The following ATG101 variants were observed in gnomAD, a reference collection of about 807,000 sequenced individuals.
The protein encoded by ATG101 is autophagy-related protein 101.
A neutral mutation model predicts 16.7 loss-of-function variants in ATG101; 6 were observed. The observed-to-expected ratio is 0.36, with a 90% CI of 0.20 to 0.71. The LOEUF is 0.71. Among genes scored for constraint, ATG101 ranks in the 30% least tolerant of loss-of-function variants. The pLI is 0.57. For missense variants in ATG101, 200 were observed against 292.5 expected (o/e 0.68, Z 2.31); for synonymous variants, 108 against 118.1 (o/e 0.91, Z 0.56).
intron 2 of ATG101, 105 bp downstream of exon 2, chr12:52,070,588 G>C (rs1265970160): frequency 6.6e-6 from 1 of 152,342 alleles, no homozygotes; most frequent in African/African-American, 2.4e-5. Flanking sequence ...ACCCTACTCT[G>C]GTGGGCCCTG....
intron 3 of ATG101, among the ~76,000 whole-genome samples, chr12:52,074,817 G>A (rs1939707490): frequency 1.3e-5 from 2 of 152,150 alleles, no homozygotes; most frequent in Admixed American, 6.5e-5. Flanking sequence ...AAATTAGTGG[G>A]GTGTGGTGGC....
chr12:52,076,817 T>A lies in ATG101; in HGVS notation c.284T>A (p.Leu95Gln), dbSNP rs1408479438. 1.2e-6 allele frequency: 2 copies of A among 1,614,066 alleles called. No homozygotes were observed. The highest frequency in any genetic ancestry group is 2.7e-5 in the African/African-American group (2 of 74,922). ...DALRNSGGDG[L>Q]GQMSLEFYQK... ...CTGCGCAACTCTGGTGGCGATGGGC[T>A]GGGGCAGATGTCCTTGGAGTTCTAC... Residue 95 changes from leucine (L) to glutamine (Q), a missense_variant, in exon 4 of 4, where the codon CTG becomes CAG. Coordinates refer to ENST00000336854, the MANE Select transcript of ATG101 (RefSeq NM_021934.5).
At chr12:52,076,427 C>G (rs1041599655) in intron 3 of ATG101, among the ~76,000 whole-genome samples, 13 of 152,308 alleles carry the variant, frequency 8.5e-5, no homozygotes, top group Admixed American at 8.5e-4. Flanking sequence ...CTCATCGTGC[C>G]TTGGTGAAAG....
upstream of ATG101, among the ~76,000 whole-genome samples, chr12:52,066,451 C>T (rs1240536770): frequency 6.6e-6 from 1 of 152,136 alleles, no homozygotes; most frequent in Non-Finnish European, 1.5e-5. Context: ...CACTGTCTGC[C>T]AATTCCAATG....
chr12:52,075,286 T>C (rs991719615), intron 3 of ATG101, among the ~76,000 whole-genome samples: 1 of 152,184 alleles, frequency 6.6e-6, no homozygotes, highest in Non-Finnish European at 1.5e-5. Flanking sequence ...CCCTGTGTCC[T>C]CCAGGTGTCC....
rs1565661778 is a variant in ATG101 at position 52,073,857 on chromosome 12, T to G, written c.207T>G (p.Ser69=). The change falls in exon 3 of 4, where the codon TCT becomes TCG. Residue 69 remains serine, a synonymous_variant. Transcript: ENST00000336854. The part of the protein sequence containing the change: ...FIDFTYVRVS[S]EELDRALRKV... ...ACTTCACTTATGTGCGTGTCTCTTCTGAGGAACTGGATCGTGCCCTGCGCA... is the reference window on the plus strand; with the variant it reads ...ACTTCACTTATGTGCGTGTCTCTTCGGAGGAACTGGATCGTGCCCTGCGCA... 5 of 1,614,234 alleles carry G rather than the reference T, an allele frequency of 3.1e-6. No homozygotes were observed. The highest frequency in any genetic ancestry group is 4.2e-6 in the Non-Finnish European group (5 of 1,180,032).
At chr12:52,071,674 C>T (rs1939652850) in intron 2 of ATG101, among the ~76,000 whole-genome samples, 1 of 151,994 alleles carries the variant, frequency 6.6e-6, no homozygotes, top group Non-Finnish European at 1.5e-5. Flanking sequence ...AAAAATTAGC[C>T]AGGTGTGGTG....
At chr12:52,072,685 G>A (rs1197063386) in intron 2 of ATG101, among the ~76,000 whole-genome samples, 1 of 152,002 alleles carries the variant, frequency 6.6e-6, no homozygotes, top group Non-Finnish European at 1.5e-5. Flanking sequence ...TCTCAGAGCA[G>A]TTTGTGACCC....
upstream of ATG101, chr12:52,069,411 G>A (rs1226854590): frequency 1.3e-5 from 2 of 152,408 alleles, no homozygotes; most frequent in Admixed American, 6.5e-5. Flanking sequence ...GGAGGGCCAG[G>A]GATCCCGTCT....
chr12:52,077,250 C>T lies in ATG101; in HGVS notation c.*60C>T, dbSNP rs2120634355. ...CCCAGACCTTGGCTTTTGGGAATTG[C>T]ACTTTTGGGCCTTTGGGCTCTGGAA... On this transcript the variant is annotated 3_prime_UTR_variant, in exon 4 of 4. Coordinates refer to ENST00000336854, the MANE Select transcript of ATG101 (RefSeq NM_021934.5). The T allele has an allele frequency of 6.4e-7, 1 of 1,556,090 alleles. No homozygotes were observed.
chr12:52,070,514 A>C (rs1235362250), intron 2 of ATG101, 31 bp downstream of exon 2: 1 of 152,446 alleles, frequency 6.6e-6, no homozygotes, highest in East Asian at 1.9e-4. Flanking sequence ...TGCTCCAGCC[A>C]GGCTTGAGAA....
Position 52,076,917 on chromosome 12 carries a change from G to A in ATG101, c.384G>A (p.Val128=). 1.2e-6 allele frequency: 2 copies of A among 1,614,218 alleles called. No individual in the cohort carries two copies. The highest frequency in any genetic ancestry group is 1.7e-6 in the Non-Finnish European group (2 of 1,180,046). The change falls in exon 4 of 4, where the codon GTG becomes GTA. Residue 128 remains valine, a synonymous_variant. Transcript: ENST00000336854. ...AAGTGTGGACGGTCAAGGTGCATGT[G>A]GTAGCCCTGGCCACGGAGCAGGAGC... ...PWEVWTVKVH[V]VALATEQERQ... is the part of the protein sequence containing the mutation.
chr12:52,073,392 G>T (rs577204565), intron 2 of ATG101, among the ~76,000 whole-genome samples, 183 bp from the exon 3 acceptor site: 1 of 152,298 alleles, frequency 6.6e-6, no homozygotes, highest in East Asian at 1.9e-4. Context: ...CTGTCATTTG[G>T]ACTGATAACT....
At position 52,077,233 on chromosome 12, in the gene ATG101, T is replaced by G. The variant is rs759226221; in HGVS notation, c.*43T>G. The G allele has an allele frequency of 6.3e-7, 1 of 1,585,536 alleles. No homozygotes were observed. Among genetic ancestry groups the G allele is most frequent in the Non-Finnish European group, 8.6e-7 (1 of 1,163,352 alleles). On this transcript the variant is annotated 3_prime_UTR_variant, in exon 4 of 4. Transcript: ENST00000336854. ...GGAGCTCCTTGATGGCTCCCAGACC[T>G]TGGCTTTTGGGAATTGCACTTTTGG...
upstream of ATG101, among the ~76,000 whole-genome samples, chr12:52,067,753 A>ATTTTTTT (rs60759494): frequency 7.1e-6 from 1 of 140,646 alleles, no homozygotes; most frequent in Non-Finnish European, 1.6e-5. Context: ...AAGCTTGGCT[A>ATTTTTTT]TTTTTTTTTT....
upstream of ATG101, among the ~76,000 whole-genome samples, chr12:52,067,653 T>G (rs1939561802): frequency 6.6e-6 from 1 of 151,932 alleles, no homozygotes; most frequent in Non-Finnish European, 1.5e-5. Flanking sequence ...AGTGGTGTGA[T>G]CTCTGCTCAC....
chr12:52,069,302 G>C (rs1939599416), upstream of ATG101: 1 of 152,266 alleles, frequency 6.6e-6, no homozygotes, highest in African/African-American at 2.4e-5. Context: ...AGCCTCCGAA[G>C]GACTGTCACC....
upstream of ATG101, chr12:52,069,850 TGCTTCTGTGACTACGC>T (rs1364276929): frequency 6.6e-6 from 1 of 152,254 alleles, no homozygotes; most frequent in Non-Finnish European, 1.5e-5. Context: ...TATCTGCGTG[TGCTTCTGTGACTACGC>T]GGATGTTGTG....
chr12:52,075,156 T>C (rs1835956080), intron 3 of ATG101, among the ~76,000 whole-genome samples: 3 of 152,178 alleles, frequency 2.0e-5, no homozygotes, highest in Admixed American at 1.3e-4. Flanking sequence ...TACTGTGTGC[T>C]CATTGCAGGG....
Sources: gnomAD v4.1 joint callset for allele counts (sites outside exome capture counted in the v4.1 genomes callset) on GRCh38, gnomAD v4.1.1 for gene constraint, MANE v1.5 for transcripts, NCBI Gene and HGNC (gene_info 2026-07-23, HGNC 2026-07-21) for gene names.